The following SLC60A2 variants were observed in gnomAD, a reference collection of about 807,000 sequenced individuals.
SLC60A2 encodes solute carrier family 60 member 2, also known as major facilitator superfamily domain containing 4B.
At chr6:111,267,122 A>G in the SLC60A2 span, 4 of 1,596,142 alleles carry the variant, frequency 2.5e-6, no homozygotes, top group Non-Finnish European at 3.4e-6. Flanking sequence ...ACGTTTAGAG[A>G]AGATGGATTA....
At chr6:111,271,349 CAAT>C in the SLC60A2 span, among the ~76,000 whole-genome samples, 2 of 151,084 alleles carry the variant, frequency 1.3e-5, no homozygotes, top group African/African-American at 4.9e-5. Context: ...ATTATAAAAA[CAAT>C]AAAGACATAA....
the SLC60A2 span, chr6:111,265,861 A>G: frequency 1.0e-5 from 16 of 1,556,522 alleles, no homozygotes; most frequent in Non-Finnish European, 1.4e-5. Context: ...AATTTTTCCC[A>G]TCTTTCATCG....
the SLC60A2 span, chr6:111,265,119 C>G: frequency 5.4e-6 from 1 of 185,774 alleles, no homozygotes; most frequent in East Asian, 1.9e-4. Context: ...TAGATGACAT[C>G]TGTTTACTCC....
chr6:111,262,272 A>G, the SLC60A2 span: 7 of 1,613,758 alleles, frequency 4.3e-6, no homozygotes, highest in Non-Finnish European at 4.2e-6. Context: ...GAGTGTTGCT[A>G]TAGTGGGACC....
At chr6:111,263,757 G>A in the SLC60A2 span, 1 of 743,542 alleles carries the variant, frequency 1.3e-6, no homozygotes, top group African/African-American at 1.7e-5. Flanking sequence ...TGCATGTTTG[G>A]ACATTTATGA....
At chr6:111,264,062 T>G in the SLC60A2 span, 2 of 564,274 alleles carry the variant, frequency 3.5e-6, no homozygotes, top group Non-Finnish European at 6.4e-6. Flanking sequence ...CCTACTGAGT[T>G]GGTTGTGAGT....
At chr6:111,265,305 C>T in the SLC60A2 span, 1 of 984,092 alleles carries the variant, frequency 1.0e-6, no homozygotes, top group Non-Finnish European at 1.2e-6. Flanking sequence ...CTGCTTCTTG[C>T]CTTTCTCCTC....
chr6:111,260,100 G>A, the SLC60A2 span, among the ~76,000 whole-genome samples: 1 of 151,972 alleles, frequency 6.6e-6, no homozygotes, highest in Non-Finnish European at 1.5e-5. Flanking sequence ...TAGTAGAGAC[G>A]GGGCTTCGCC....
the SLC60A2 span, chr6:111,266,542 C>T: frequency 6.2e-7 from 1 of 1,614,172 alleles, no homozygotes; most frequent in Non-Finnish European, 8.5e-7. Flanking sequence ...ATAGCAACTT[C>T]AGTGTATGGG....
the SLC60A2 span, chr6:111,263,897 CA>C: frequency 1.9e-6 from 3 of 1,611,614 alleles, no homozygotes; most frequent in Non-Finnish European, 2.5e-6. Flanking sequence ...CAATATTACT[CA>C]CTGTCATGAT....
chr6:111,276,708 C>T, the SLC60A2 span, among the ~76,000 whole-genome samples: 5 of 151,966 alleles, frequency 3.3e-5, no homozygotes, highest in African/African-American at 2.4e-5. Context: ...TGTGCTCATT[C>T]GTTTACAGAG....
the SLC60A2 span, chr6:111,267,272 T>A: frequency 1.5e-6 from 1 of 645,488 alleles, no homozygotes; most frequent in Non-Finnish European, 2.6e-6. Context: ...AAATGTTCTG[T>A]AATTCCCAGA....
At chr6:111,270,230 A>G in the SLC60A2 span, 1 of 152,200 alleles carries the variant, frequency 6.6e-6, no homozygotes, top group African/African-American at 2.4e-5. Flanking sequence ...ATAACATCCC[A>G]TCACCTTTGC....
the SLC60A2 span, chr6:111,269,664 C>T: frequency 6.6e-6 from 1 of 152,150 alleles, no homozygotes; most frequent in African/African-American, 2.4e-5. Context: ...TTTACTGTTA[C>T]AGGGTAGAAG....
At chr6:111,259,716 T>A in the SLC60A2 span, 1 of 1,597,004 alleles carries the variant, frequency 6.3e-7, no homozygotes, top group East Asian at 2.3e-5. Context: ...GTGTGCCTCC[T>A]TCCTGGGGCT....
the SLC60A2 span, among the ~76,000 whole-genome samples, chr6:111,274,485 T>G: frequency 6.6e-6 from 1 of 152,162 alleles, no homozygotes; most frequent in Non-Finnish European, 1.5e-5. Context: ...TTTCTATAAC[T>G]TTTAGGTGGG....
chr6:111,272,930 A>G, the SLC60A2 span, among the ~76,000 whole-genome samples: 1 of 151,868 alleles, frequency 6.6e-6, no homozygotes, highest in African/African-American at 2.4e-5. Flanking sequence ...TCCTGGGTTC[A>G]AGCGATTCTC....
the SLC60A2 span, chr6:111,266,604 A>G: frequency 1.2e-6 from 2 of 1,614,224 alleles, no homozygotes; most frequent in South Asian, 2.2e-5. Context: ...TGAGCAGTAC[A>G]CGACCATCCA....
the SLC60A2 span, among the ~76,000 whole-genome samples, chr6:111,274,527 T>C: frequency 6.6e-6 from 1 of 152,238 alleles, no homozygotes; most frequent in African/African-American, 2.4e-5. Flanking sequence ...AAGGCTGTTA[T>C]TGACAGGTGA....
Sources: gnomAD v4.1 joint callset for allele counts (sites outside exome capture counted in the v4.1 genomes callset) on GRCh38, gnomAD v4.1.1 for gene constraint, MANE v1.5 for transcripts, NCBI Gene and HGNC (gene_info 2026-07-23, HGNC 2026-07-21) for gene names.